BICD1: variants seen among roughly 807,000 people sequenced by gnomAD.
BICD1 encodes BICD cargo adaptor 1.
Under a neutral mutation model 92.5 loss-of-function variants are expected in BICD1, and 35 were observed. The ratio of observed to expected loss-of-function variants is 0.38; its 90% CI spans 0.29 to 0.50. The LOEUF (loss-of-function observed/expected upper bound fraction) is 0.50. BICD1 is among the 20% of genes least tolerant of loss of function. The pLI is 0.93. For missense variants in BICD1, 950 were observed against 1,189.8 expected (o/e 0.80, Z 2.97); for synonymous variants, 429 against 465.1 (o/e 0.92, Z 1.00).
At chr12:32,232,612 T>G (rs10844158) in intron 2 of BICD1, among the ~76,000 whole-genome samples, 56,241 of 150,810 alleles carry the variant, frequency 0.37, 10,703 homozygotes, top group Non-Finnish European at 0.41. Context: ...ATTTGTCAAT[T>G]TTGTCTTTTG....
intron 2 of BICD1, among the ~76,000 whole-genome samples, chr12:32,277,844 A>G (rs1217800040): frequency 6.6e-6 from 1 of 151,870 alleles, no homozygotes; most frequent in Non-Finnish European, 1.5e-5. Flanking sequence ...TCTCATCCCT[A>G]TATATTTTCA....
chr12:32,184,662 C>G (rs941931275), intron 1 of BICD1, among the ~76,000 whole-genome samples: 2 of 152,144 alleles, frequency 1.3e-5, no homozygotes, highest in African/African-American at 4.8e-5. Context: ...TTAAAGTGTT[C>G]AGAAAAACAA....
chr12:32,256,835 A>G (rs1239947818), intron 2 of BICD1, among the ~76,000 whole-genome samples: 1 of 152,228 alleles, frequency 6.6e-6, no homozygotes, highest in Admixed American at 6.5e-5. Flanking sequence ...GTTTGATTTT[A>G]TTGAATAATA....
At chr12:32,186,564 G>C (rs540271647) in intron 1 of BICD1, among the ~76,000 whole-genome samples, 1 of 152,160 alleles carries the variant, frequency 6.6e-6, no homozygotes, top group South Asian at 2.1e-4. Context: ...TCTTTATATG[G>C]TGTTTCAGGG....
intron 4 of BICD1, among the ~76,000 whole-genome samples, chr12:32,316,107 G>A (rs1948493007): frequency 6.9e-6 from 1 of 144,844 alleles, no homozygotes; most frequent in Non-Finnish European, 1.5e-5. Flanking sequence ...CTGCACTCCA[G>A]CCTGGGCAAC....
intron 2 of BICD1, among the ~76,000 whole-genome samples, chr12:32,236,622 A>G (rs1397903921): frequency 1.3e-5 from 2 of 151,832 alleles, no homozygotes; most frequent in Non-Finnish European, 2.9e-5. Flanking sequence ...ATCAAAACAT[A>G]GAAATGATTA....
At chr12:32,163,457 A>C (rs1592398241) in intron 1 of BICD1, among the ~76,000 whole-genome samples, 1 of 152,176 alleles carries the variant, frequency 6.6e-6, no homozygotes, top group Non-Finnish European at 1.5e-5. Flanking sequence ...CCCACTCTAC[A>C]GGGCTGTTGG....
intron 1 of BICD1, among the ~76,000 whole-genome samples, chr12:32,180,260 T>C (rs1218348591): frequency 6.6e-6 from 1 of 151,870 alleles, no homozygotes; most frequent in African/African-American, 2.4e-5. Context: ...GACCTTGAAG[T>C]CACCTCCCCG....
intron 1 of BICD1, among the ~76,000 whole-genome samples, chr12:32,191,057 C>T (rs1464326075): frequency 6.6e-6 from 1 of 152,112 alleles, no homozygotes; most frequent in African/African-American, 2.4e-5. Flanking sequence ...GGATACACAA[C>T]ATACCAAAAG....
intron 8 of BICD1, among the ~76,000 whole-genome samples, chr12:32,358,565 C>A (rs1003001196): frequency 1.3e-5 from 2 of 151,912 alleles, no homozygotes; most frequent in South Asian, 4.2e-4. Context: ...GGCGAAACCC[C>A]GTCTCTACTA....
At chr12:32,232,940 A>G (rs998146135) in intron 2 of BICD1, among the ~76,000 whole-genome samples, 1 of 152,188 alleles carries the variant, frequency 6.6e-6, no homozygotes, top group African/African-American at 2.4e-5. Context: ...CCTCTTGTGT[A>G]GTAGCCTGTC....
At chr12:32,345,071 G>A (rs1012217858) in intron 8 of BICD1, among the ~76,000 whole-genome samples, 2 of 152,154 alleles carry the variant, frequency 1.3e-5, no homozygotes, top group Non-Finnish European at 1.5e-5. Context: ...AGGATTGCTT[G>A]AGCCCAGGAG....
chr12:32,174,498 G>T (rs1260065733), intron 1 of BICD1, among the ~76,000 whole-genome samples: 1 of 149,744 alleles, frequency 6.7e-6, no homozygotes, highest in Admixed American at 6.6e-5. Flanking sequence ...GCAAGACCCT[G>T]TCTCCAAAAA....
At chr12:32,264,516 C>A (rs1304837119) in intron 2 of BICD1, among the ~76,000 whole-genome samples, 3 of 152,030 alleles carry the variant, frequency 2.0e-5, no homozygotes, top group Non-Finnish European at 4.4e-5. Flanking sequence ...AAGACAGTGT[C>A]TTGCTGTGTC....
intron 8 of BICD1, among the ~76,000 whole-genome samples, chr12:32,357,728 C>T (rs1939172521): frequency 6.6e-6 from 1 of 152,184 alleles, no homozygotes; most frequent in Admixed American, 6.6e-5. Flanking sequence ...CTGTGCACTG[C>T]ATCCCTGGTG....
At chr12:32,159,350 G>A (rs1462184358) in intron 1 of BICD1, among the ~76,000 whole-genome samples, 1 of 152,138 alleles carries the variant, frequency 6.6e-6, no homozygotes, top group East Asian at 1.9e-4. Context: ...CAGGCATGCT[G>A]ACAGCAAAAA....
chr12:32,124,566 GTAA>G (rs1395789603), intron 1 of BICD1, among the ~76,000 whole-genome samples: 2 of 152,034 alleles, frequency 1.3e-5, no homozygotes, highest in African/African-American at 2.4e-5. Flanking sequence ...GACAATAATA[GTAA>G]TAATAATAAA....
At chr12:32,124,748 A>AG (rs1942268865) in intron 1 of BICD1, among the ~76,000 whole-genome samples, 2 of 152,072 alleles carry the variant, frequency 1.3e-5, no homozygotes, top group Non-Finnish European at 2.9e-5. Flanking sequence ...CAGCCTGTAG[A>AG]AGAGGGAAGG....
rs117440782 is a variant in BICD1, at chr12:32,140,897, T to G, written c.213+33353T>G. Among the ~76,000 whole-genome samples, 62 of 152,274 alleles carry G rather than the reference T, an allele frequency of 4.1e-4. 1 individual carries two copies. The East Asian group carries it at 0.011, about 27-fold the overall frequency. On this transcript the variant is annotated intron_variant, in intron 1 of 9. Transcript: ENST00000652176. Reference sequence around the variant, plus strand: ...TATACACCAGAGGAAATGCGGCGACTTAGGTTCTGTGATGGGAAACCCGGA... The same window carrying G: ...TATACACCAGAGGAAATGCGGCGACGTAGGTTCTGTGATGGGAAACCCGGA...
Sources: gnomAD v4.1 joint callset for allele counts (sites outside exome capture counted in the v4.1 genomes callset) on GRCh38, gnomAD v4.1.1 for gene constraint, MANE v1.5 for transcripts, NCBI Gene and HGNC (gene_info 2026-07-23, HGNC 2026-07-21) for gene names.